The following DZIP1 variants were observed in gnomAD, a reference collection of about 807,000 sequenced individuals.
The protein encoded by DZIP1 is DAZ interacting zinc finger protein 1, also known as cilium assembly protein DZIP1.
In DZIP1, 97 loss-of-function variants were observed where a neutral mutation model predicts 107.6. That is an observed-to-expected ratio of 0.90 (90% CI 0.77 to 1.07). The LOEUF is 1.07. DZIP1 is among the 50% of genes least tolerant of loss of function. The probability of loss-of-function intolerance (pLI) is 0.00; values close to 1 mark genes in which losing one functional copy is unlikely to be tolerated. For synonymous variants in DZIP1, 390 were observed against 386.4 expected (o/e 1.01, Z -0.11); for missense variants, 1,035 against 1,063.6 (o/e 0.97, Z 0.37).
intron 14 of DZIP1, among the ~76,000 whole-genome samples, chr13:95,603,460 G>T (rs2044680182): frequency 6.6e-6 from 1 of 152,012 alleles, no homozygotes; most frequent in African/African-American, 2.4e-5. Flanking sequence ...CCTAGCAGGT[G>T]CCCACAGACT....
Position 95,642,124 on chromosome 13 carries a change from T to G in DZIP1, c.-95A>C. ...GCGGGAGAAGGCCGGGTTCCTCGCT[T>G]CCGCGGCGGCGGCGGCCTAAGGTCT... On this transcript the variant is annotated 5_prime_UTR_variant, in exon 4 of 23. Transcript: ENST00000376829. The G allele has an allele frequency of 5.0e-6, 7 of 1,391,376 alleles. No homozygotes were observed. The South Asian group carries it at 1.1e-4, about 23-fold the overall frequency. The allele number at this position is 1,391,376 out of a possible 1,614,324, so 86.2% of individuals were successfully genotyped here. A position where few individuals can be genotyped will look rare whatever the true frequency, so the allele number is the denominator to read the frequency against.
At chr13:95,616,848 G>A (rs768514048) in intron 10 of DZIP1, among the ~76,000 whole-genome samples, 3 of 152,094 alleles carry the variant, frequency 2.0e-5, no homozygotes, top group Non-Finnish European at 4.4e-5. Flanking sequence ...CCAAATCTGT[G>A]GACTTTGAGG....
intron 10 of DZIP1, among the ~76,000 whole-genome samples, chr13:95,618,752 G>T (rs116627760): frequency 6.6e-6 from 1 of 151,990 alleles, no homozygotes; most frequent in Admixed American, 6.6e-5. Flanking sequence ...ATCTTTTGTC[G>T]TTTAATATTC....
chr13:95,617,972 G>A (rs1250309765), intron 10 of DZIP1: 2 of 519,060 alleles, frequency 3.9e-6, no homozygotes, highest in Non-Finnish European at 7.7e-6. Flanking sequence ...CATTTGCCAA[G>A]TCTGGGGAAC....
In DZIP1 at chr13:95,587,697, T is replaced by A. The variant is rs2044200737; in HGVS notation, c.2060A>T (p.Glu687Val). Residue 687 changes from glutamate (E) to valine (V), a missense_variant, in exon 20 of 23, where the codon GAG becomes GTG. Transcript: ENST00000376829. ...GTATGCCCGGATGAGGTCGTCGTCC[T>A]CCTGCTCCTCCTCTGAACTAAAAGG... ...TPPFSSEEEQ[E>V]DDDLIRAYAS... 6.2e-7 allele frequency: 1 copy of A among 1,614,132 alleles called. No individual in the cohort carries two copies. The highest frequency in any genetic ancestry group is 8.5e-7 in the Non-Finnish European group (1 of 1,180,018).
rs1252474404 is a variant in DZIP1 at position 95,624,898 on chromosome 13, T to C, written c.842A>G (p.Asp281Gly). 6.2e-7 allele frequency: 1 copy of C among 1,609,244 alleles called. No homozygotes were observed. The highest frequency in any genetic ancestry group is 8.5e-7 in the Non-Finnish European group (1 of 1,178,702). The change falls in exon 8 of 23, where the codon GAC (aspartate) becomes GGC (glycine). Residue 281 changes from aspartate (D) to glycine (G), a missense_variant. Physicochemically the swap from Asp to Gly is moderately conservative, Grantham distance 94. Transcript: ENST00000376829. ...EYEMQKTKEE[D>G]FLKLFDRWKE... ...CCACCTGTCAAATAACTTCAAAAAG[T>C]CTTCCTCTTTTGTTTTCTGCATTTC...
chr13:95,639,122 T>C (rs775944048), intron 5 of DZIP1, among the ~76,000 whole-genome samples: 4 of 152,288 alleles, frequency 2.6e-5, no homozygotes, highest in Non-Finnish European at 4.4e-5. Flanking sequence ...TCAATCCCCA[T>C]TAACAACTGC....
chr13:95,632,570 T>C (rs1425852281), intron 6 of DZIP1, among the ~76,000 whole-genome samples: 1 of 152,146 alleles, frequency 6.6e-6, no homozygotes, highest in Non-Finnish European at 1.5e-5. Flanking sequence ...CAGTAGTCTC[T>C]ATCCACAGCT....
rs772443715 is a variant in DZIP1 at position 95,641,977 on chromosome 13, G to A, written c.36+17C>T. 1.3e-6 allele frequency: 2 copies of A among 1,575,946 alleles called. No individual in the cohort carries two copies. The highest frequency in any genetic ancestry group is 1.1e-5 in the South Asian group (1 of 88,200). On this transcript the variant is annotated intron_variant, in intron 4 of 22. Transcript: ENST00000376829. The surrounding 1 kb of genome is among the most constrained non-coding windows in gnomAD (Gnocchi z 4.3). The stretch of plus-strand genomic sequence containing the variant: ...CCGGCATCCCCGTCGGGGGCGCCCC[G>A]GCCTCCCGCCTCTTACCATGCTTGA...
intron 7 of DZIP1, 34 bp downstream of exon 7, chr13:95,629,955 T>C (rs770162460): frequency 7.0e-6 from 11 of 1,567,212 alleles, no homozygotes; most frequent in Non-Finnish European, 9.5e-6. Flanking sequence ...TACAGTTAAT[T>C]GTAATTAAAA....
At chr13:95,589,301 C>T (rs1420904199) in intron 18 of DZIP1, 94 bp from the exon 19 acceptor site, 2 of 969,204 alleles carry the variant, frequency 2.1e-6, no homozygotes, top group Admixed American at 2.4e-5. Context: ...TTGCTTTTGA[C>T]ATACACTAAC....
intron 1 of DZIP1, among the ~76,000 whole-genome samples, chr13:95,644,005 C>T (rs1878824436): frequency 6.6e-6 from 1 of 152,156 alleles, no homozygotes; most frequent in Admixed American, 6.5e-5. Flanking sequence ...CGCTGACCAC[C>T]CCTTTCCCCT....
intron 9 of DZIP1, among the ~76,000 whole-genome samples, chr13:95,622,090 C>T (rs1875938355): frequency 6.6e-6 from 1 of 152,160 alleles, no homozygotes. Flanking sequence ...GTTATACTAA[C>T]CAATTCAAAT....
Position 95,589,216 on chromosome 13 carries a change from AC to A in DZIP1, c.1974-10del, listed in dbSNP as rs745620397. The A allele has an allele frequency of 1.7e-5, 26 of 1,570,718 alleles. No homozygotes were observed. Among genetic ancestry groups the A allele is most frequent in the Middle Eastern group, 1.7e-4 (1 of 5,910 alleles). On this transcript the variant is annotated splice_polypyrimidine_tract_variant and intron_variant, in intron 18 of 22. Transcript: ENST00000376829. ...TGACATTTTTCTTAATTCTAAAAAA[AC>A]AACAGAAAAATATTTTTAAATTGCA...
intron 6 of DZIP1, chr13:95,630,720 A>G: frequency 7.9e-7 from 1 of 1,263,242 alleles, no homozygotes; most frequent in South Asian, 1.3e-5. Context: ...TTACATGCAG[A>G]TGTACACATG....
At position 95,641,811 on chromosome 13, in the gene DZIP1, C is replaced by T. The variant is rs1878553961; in HGVS notation, c.81G>A (p.Glu27=). 5.4e-6 allele frequency: 8 copies of T among 1,479,614 alleles called. No individual in the cohort carries two copies. Among genetic ancestry groups the T allele is most frequent in the Non-Finnish European group, 7.1e-6 (8 of 1,124,574 alleles). 91.7% of individuals were successfully genotyped at this position (1,479,614 alleles called of 1,614,324 possible). Residue 27 remains glutamate, a synonymous_variant, in exon 5 of 23, where the codon GAG becomes GAA. Coordinates refer to ENST00000376829, the MANE Select transcript of DZIP1 (RefSeq NM_198968.4). The surrounding 1 kb of genome is among the most constrained non-coding windows in gnomAD (Gnocchi z 4.3). The part of the protein sequence containing the change: ...HVYYPLASGP[E]GPDVAVAAAA... ...CGGCGGCCACAGCGACGTCGGGCCC[C>T]TCTGGGCCGCTGGCGAGCGGGTAGT... is the stretch of plus-strand genomic sequence containing the variant.
chr13:95,590,499 A>C (rs1488849395), intron 16 of DZIP1, 58 bp from the exon 17 acceptor site: 3 of 1,502,576 alleles, frequency 2.0e-6, no homozygotes, highest in Non-Finnish European at 2.7e-6. Flanking sequence ...TTTCATGGGC[A>C]TATATCAGCA....
chr13:95,624,053 TAA>T (rs1380163326), intron 8 of DZIP1, among the ~76,000 whole-genome samples: 28 of 152,322 alleles, frequency 1.8e-4, no homozygotes, highest in African/African-American at 6.5e-4. Context: ...CGCTAGAGTT[TAA>T]AGAGTTTTAG....
At chr13:95,601,191 G>A (rs553988820) in intron 14 of DZIP1, among the ~76,000 whole-genome samples, 2 of 152,256 alleles carry the variant, frequency 1.3e-5, no homozygotes, top group East Asian at 1.9e-4. Context: ...TGGTAGAAGG[G>A]GAGACTCCTG....
Sources: gnomAD v4.1 joint callset for allele counts (sites outside exome capture counted in the v4.1 genomes callset) on GRCh38, gnomAD v4.1.1 for gene constraint, Gnocchi (gnomAD v3.1) non-coding constraint, MANE v1.5 for transcripts, NCBI Gene and HGNC (gene_info 2026-07-23, HGNC 2026-07-21) for gene names.